The following PLCE1 variants were observed in gnomAD, a reference collection of about 807,000 sequenced individuals.
The protein encoded by PLCE1 is 1-phosphatidylinositol 4,5-bisphosphate phosphodiesterase epsilon-1.
A neutral mutation model predicts 242.8 loss-of-function variants in PLCE1; 119 were observed. The observed-to-expected ratio is 0.49, with a 90% CI of 0.42 to 0.57. The LOEUF (loss-of-function observed/expected upper bound fraction) is 0.57. PLCE1 is among the 20% of genes least tolerant of loss of function. PLCE1 has a pLI of 0.00. For missense variants in PLCE1, 2,441 were observed against 2,788.8 expected (o/e 0.88, Z 2.81); for synonymous variants, 945 against 1,017.4 (o/e 0.93, Z 1.35).
At position 94,095,503 on chromosome 10, in the gene PLCE1, T is replaced by C. The variant is rs567844753; in HGVS notation, c.1207-36671T>C. On this transcript the variant is annotated intron_variant, in intron 2 of 32. Coordinates refer to ENST00000371380, the MANE Select transcript of PLCE1 (RefSeq NM_016341.4). ...TCCTGAGTAGCAGGGACTACAGGCA[T>C]GCACCACTGCACCTGGCTAATTTTT... is the stretch of plus-strand genomic sequence containing the variant. Among the ~76,000 whole-genome samples the C allele has an allele frequency of 1.3e-4, 20 of 152,280 alleles. No individual in the cohort carries two copies. The South Asian group carries it at 4.1e-3, about 32-fold the overall frequency.
chr10:94,212,723 A>G (rs1180789363), intron 4 of PLCE1, among the ~76,000 whole-genome samples: 1 of 152,208 alleles, frequency 6.6e-6, no homozygotes, highest in Non-Finnish European at 1.5e-5. Flanking sequence ...TTAATACTTA[A>G]TATCTGGGTA....
rs33967020 is a variant in PLCE1, at chr10:94,132,949, C to CA, written c.1492+510dup. 5.2e-3 allele frequency among the ~76,000 whole-genome samples: 459 copies of CA among 88,448 alleles called. 6 individuals carry two copies. The highest frequency in any genetic ancestry group is 0.012 in the African/African-American group (268 of 23,084). The allele number at this position is 88,448 out of a possible 152,430, so 58.0% of individuals were successfully genotyped here. A position where few individuals can be genotyped will look rare whatever the true frequency, so the allele number is the denominator to read the frequency against. On this transcript the variant is annotated intron_variant, in intron 3 of 32. Transcript: ENST00000371380. ...TAGGCAACAGAGTGAGACTCCATCT[C>CA]AAAAAAAAAAAAAAAAAAAAGATTT...
At chr10:94,025,278 G>A (rs866345219) in intron 1 of PLCE1, among the ~76,000 whole-genome samples, 1 of 152,090 alleles carries the variant, frequency 6.6e-6, no homozygotes, top group Admixed American at 6.6e-5. Flanking sequence ...GCCACATCTA[G>A]CTGTAAGGGA....
intron 29 of PLCE1, among the ~76,000 whole-genome samples, chr10:94,319,861 GCTCT>G (rs1477154696): frequency 1.4e-4 from 12 of 87,572 alleles, no homozygotes; most frequent in South Asian, 3.3e-4. Context: ...GCTCAAAGGT[GCTCT>G]TTTTTTTTTT....
chr10:94,229,577 T>A (rs751326134), intron 5 of PLCE1, among the ~76,000 whole-genome samples: 17 of 152,220 alleles, frequency 1.1e-4, no homozygotes, highest in Non-Finnish European at 2.4e-4. Context: ...GGAGGCCGTC[T>A]TGGAGGCTGG....
At chr10:94,212,507 T>C (rs983051351) in intron 4 of PLCE1, among the ~76,000 whole-genome samples, 3 of 152,068 alleles carry the variant, frequency 2.0e-5, no homozygotes, top group Non-Finnish European at 4.4e-5. Context: ...CCACCCTCCT[T>C]GGCCTCCCAA....
intron 1 of PLCE1, among the ~76,000 whole-genome samples, chr10:94,002,936 T>C (rs1248346200): frequency 6.6e-6 from 1 of 152,240 alleles, no homozygotes; most frequent in African/African-American, 2.4e-5. Flanking sequence ...GTATAGAGTT[T>C]ATTTGAGCAC....
At chr10:94,202,611 G>T (rs1439527450) in intron 4 of PLCE1, among the ~76,000 whole-genome samples, 2 of 152,116 alleles carry the variant, frequency 1.3e-5, no homozygotes. Flanking sequence ...CTCTCTAGAG[G>T]CGCGTTATCA....
rs539061909 is a variant in PLCE1, at chr10:94,254,962, G to T, written c.3467G>T (p.Gly1156Val). The change falls in exon 11 of 33, where the codon GGG (glycine) becomes GTG (valine). Residue 1156 changes from glycine (G) to valine (V), a missense_variant. By Grantham distance (109) the Gly-to-Val change is moderately radical. Transcript: ENST00000371380. ...SRRAHSLTTA[G>V]SPNLAAGTSS... ...AGAGCCCACTCTTTGACCACAGCTG[G>T]GTCCCCCAACTTGGCTGCCGGGACG... The T allele has an allele frequency of 6.2e-7, 1 of 1,614,008 alleles. No homozygotes were observed. The highest frequency in any genetic ancestry group is 8.5e-7 in the Non-Finnish European group (1 of 1,179,962).
Position 94,245,997 on chromosome 10 carries a change from C to T in PLCE1, c.2472C>T (p.Ser824=). 1 of 1,613,958 alleles carries T rather than the reference C, an allele frequency of 6.2e-7. No homozygotes were observed. Among genetic ancestry groups the T allele is most frequent in the Non-Finnish European group, 8.5e-7 (1 of 1,179,938 alleles). ...LDSDNDIFEQ[S]KEYDSHGSED... is the part of the protein sequence containing the mutation. The stretch of plus-strand genomic sequence containing the variant: ...CAGACAATGACATCTTTGAGCAATC[C>T]AAAGAATACGACTCTCATGGTTCAG... The change falls in exon 8 of 33, where the codon TCC becomes TCT. Residue 824 remains serine, a synonymous_variant. Coordinates refer to ENST00000371380, the MANE Select transcript of PLCE1 (RefSeq NM_016341.4).
chr10:94,279,619 A>G, intron 19 of PLCE1, 163 bp from the exon 20 acceptor site: 3 of 704,060 alleles, frequency 4.3e-6, no homozygotes, highest in East Asian at 5.4e-5. Flanking sequence ...AAGTGTTGAC[A>G]TTGCATTTCG....
chr10:94,161,323 C>A (rs1447894710), intron 3 of PLCE1, among the ~76,000 whole-genome samples: 2 of 152,160 alleles, frequency 1.3e-5, no homozygotes, highest in Non-Finnish European at 2.9e-5. Flanking sequence ...TTAGTGTCCT[C>A]TTTTATTTCA....
chr10:94,264,574 G>C (rs1022308072), intron 14 of PLCE1, among the ~76,000 whole-genome samples: 2 of 147,042 alleles, frequency 1.4e-5, no homozygotes, highest in Non-Finnish European at 3.0e-5. Context: ...CAGGCTGGAG[G>C]GCAGTGGCGC....
chr10:94,003,105 A>G lies in PLCE1; in HGVS notation c.-365+8847A>G, dbSNP rs1346556748. Among the ~76,000 whole-genome samples the G allele has an allele frequency of 2.0e-5, 3 of 152,350 alleles. No homozygotes were observed. The East Asian group carries it at 5.8e-4, about 29-fold the overall frequency. On this transcript the variant is annotated intron_variant, in intron 1 of 32. Coordinates refer to ENST00000371380, the MANE Select transcript of PLCE1 (RefSeq NM_016341.4). ...TTTAGTAGATTCTCCTGCACTGTCT[A>G]GGTAGAGAATTATATTACCCACAAA...
chr10:94,156,536 G>A (rs1564739651), intron 3 of PLCE1, among the ~76,000 whole-genome samples: 1 of 152,170 alleles, frequency 6.6e-6, no homozygotes, highest in Non-Finnish European at 1.5e-5. Flanking sequence ...AGGAAGTGTG[G>A]AGGTTCCATA....
chr10:94,130,143 T>C (rs1392595058), intron 2 of PLCE1, among the ~76,000 whole-genome samples: 2 of 152,198 alleles, frequency 1.3e-5, no homozygotes, highest in Non-Finnish European at 2.9e-5. Flanking sequence ...GGACTTAGTG[T>C]GTTGGAGATG....
intron 4 of PLCE1, among the ~76,000 whole-genome samples, chr10:94,194,138 T>A (rs902996970): frequency 6.6e-6 from 1 of 152,106 alleles, no homozygotes; most frequent in Non-Finnish European, 1.5e-5. Flanking sequence ...TATTAGGGAG[T>A]CAGATACAAG....
chr10:94,120,635 A>G (rs927723049), intron 2 of PLCE1: 3 of 152,172 alleles, frequency 2.0e-5, no homozygotes, highest in Admixed American at 6.5e-5. Context: ...GTCTGCTAAT[A>G]ATTAGAGGAG....
intron 3 of PLCE1, among the ~76,000 whole-genome samples, chr10:94,144,820 A>G (rs2047067174): frequency 6.6e-6 from 1 of 152,212 alleles, no homozygotes; most frequent in Non-Finnish European, 1.5e-5. Flanking sequence ...CGGAATAACA[A>G]GCACTAACAG....
Sources: gnomAD v4.1 joint callset for allele counts (sites outside exome capture counted in the v4.1 genomes callset) on GRCh38, gnomAD v4.1.1 for gene constraint, MANE v1.5 for transcripts, NCBI Gene and HGNC (gene_info 2026-07-23, HGNC 2026-07-21) for gene names.